Variants in PHLPP2 observed in about 807,000 individuals in gnomAD.
The protein encoded by PHLPP2 is PH domain leucine-rich repeat-containing protein phosphatase 2.
A neutral mutation model predicts 124.9 loss-of-function variants in PHLPP2; 66 were observed. The observed-to-expected ratio is 0.53, with a 90% CI of 0.43 to 0.65. The LOEUF is 0.65. Ranked by LOEUF, PHLPP2 falls within the 30% of genes least tolerant of loss-of-function variation. The pLI, the probability that PHLPP2 is intolerant of heterozygous loss-of-function variation, is 0.00. For missense variants in PHLPP2, 1,685 were observed against 1,600.4 expected (o/e 1.05, Z -0.90); for synonymous variants, 681 against 624.7 (o/e 1.09, Z -1.34).
At chr16:71,673,951 G>T (rs779991987) in intron 9 of PHLPP2, among the ~76,000 whole-genome samples, 1 of 152,016 alleles carries the variant, frequency 6.6e-6, no homozygotes, top group South Asian at 2.1e-4. Context: ...GCAAACAGAA[G>T]TCCTCAACTT....
chr16:71,681,882 G>A lies in PHLPP2; in HGVS notation c.759C>T (p.Thr253=), dbSNP rs1465869297. The A allele has an allele frequency of 1.2e-5, 20 of 1,612,606 alleles. No individual in the cohort carries two copies. The highest frequency in any genetic ancestry group is 4.0e-5 in the African/African-American group (3 of 74,790). Residue 253 remains threonine (T), a synonymous_variant, in exon 6 of 19, where the codon ACC becomes ACT. Transcript: ENST00000568954. The part of the protein sequence containing the change: ...ASKVVSQRIS[T]VDLSCYSLEE... ...CGAGGCTGTAACACGAGAGATCCAC[G>A]GTACTGATTCGCTGGGACACCACCT...
chr16:71,648,677 C>A lies in PHLPP2; in HGVS notation c.*213G>T. 1.9e-6 allele frequency: 1 copy of A among 533,774 alleles called. No homozygotes were observed. The highest frequency in any genetic ancestry group is 3.3e-6 in the Non-Finnish European group (1 of 302,288). 33.1% of individuals were successfully genotyped at this position (533,774 alleles called of 1,614,324 possible). A position where few individuals can be genotyped will look rare whatever the true frequency, so the allele number is the denominator to read the frequency against. Reference sequence around the variant, plus strand: ...ATCCCAGCTACTCGGGAGGCTGAGACAGGAGAATGGCTTGAACCCAGGGAC... The same window carrying A: ...ATCCCAGCTACTCGGGAGGCTGAGAAAGGAGAATGGCTTGAACCCAGGGAC... On this transcript the variant is annotated 3_prime_UTR_variant, in exon 19 of 19. Coordinates refer to ENST00000568954, the MANE Select transcript of PHLPP2 (RefSeq NM_015020.3).
rs770262743 is a variant in PHLPP2 at position 71,678,781 on chromosome 16, C to T, written c.1242G>A (p.Met414Ile). Reference protein sequence around the residue: ...EVLNLGVLNRMNHIKHVDLRM... With the variant: ...EVLNLGVLNRINHIKHVDLRM... ...TTAAATCCACATGCTTGATATGGTT[C>T]ATCCTATTCAGCACCCCTAAGTTCA... The change falls in exon 8 of 19, where the codon ATG (methionine) becomes ATA (isoleucine). Residue 414 changes from methionine to isoleucine, a missense_variant. By Grantham distance (10) the Met-to-Ile change is conservative. Coordinates refer to ENST00000568954, the MANE Select transcript of PHLPP2 (RefSeq NM_015020.3). The T allele has an allele frequency of 6.3e-7, 1 of 1,599,814 alleles. No homozygotes were observed.
In PHLPP2 at chr16:71,648,162, T is replaced by C. The variant is rs1810642448; in HGVS notation, c.*728A>G. The C allele has an allele frequency of 6.5e-6, 1 of 152,676 alleles. No homozygotes were observed. The highest frequency in any genetic ancestry group is 2.4e-5 in the African/African-American group (1 of 41,456). 9.5% of individuals were successfully genotyped at this position (152,676 alleles called of 1,614,324 possible). On this transcript the variant is annotated 3_prime_UTR_variant, in exon 19 of 19. Coordinates refer to ENST00000568954, the MANE Select transcript of PHLPP2 (RefSeq NM_015020.3). The stretch of plus-strand genomic sequence containing the variant: ...ACCCCATTAGTCTGAGATAAGGTGA[T>C]TTCTCTGTCACAGAGATCCATCAGC...
intron 1 of PHLPP2, among the ~76,000 whole-genome samples, chr16:71,717,575 T>C (rs1263397166): frequency 1.3e-5 from 2 of 152,236 alleles, no homozygotes; most frequent in Non-Finnish European, 2.9e-5. Flanking sequence ...GGGACCATCG[T>C]ATTTGTACTA....
chr16:71,651,107 A>T (rs2044692741), intron 18 of PHLPP2, among the ~76,000 whole-genome samples: 1 of 152,224 alleles, frequency 6.6e-6, no homozygotes, highest in Non-Finnish European at 1.5e-5. Flanking sequence ...TGGGAGGCCG[A>T]GGTGGACGGA....
In PHLPP2 at chr16:71,664,114, A is replaced by G. The variant is rs1232800624; in HGVS notation, c.1785-15T>C. 6.4e-7 allele frequency: 1 copy of G among 1,559,838 alleles called. No individual in the cohort carries two copies. The highest frequency in any genetic ancestry group is 8.8e-7 in the Non-Finnish European group (1 of 1,130,502). On this transcript the variant is annotated splice_polypyrimidine_tract_variant and intron_variant, in intron 12 of 18. Coordinates refer to ENST00000568954, the MANE Select transcript of PHLPP2 (RefSeq NM_015020.3). ...AGTATCTGAGACTGACAGAACACAC[A>G]CAGATCATCACCTCCTTTAAGTTTA...
At chr16:71,723,769 C>T in intron 1 of PHLPP2, 1 of 1,330,674 alleles carries the variant, frequency 7.5e-7, no homozygotes, top group Non-Finnish European at 9.8e-7. Flanking sequence ...GCCTCCTCAC[C>T]TTCAGGACCC....
intron 8 of PHLPP2, 164 bp downstream of exon 8, chr16:71,678,591 G>C (rs1486665935): frequency 3.4e-6 from 2 of 594,598 alleles, no homozygotes; most frequent in Admixed American, 6.0e-5. Context: ...AGTGGGCCGA[G>C]ATCGTGCCAC....
In PHLPP2 at chr16:71,671,841, G is replaced by A. The variant is rs570391177; in HGVS notation, c.1532+421C>T. On this transcript the variant is annotated intron_variant, in intron 10 of 18. Transcript: ENST00000568954. ...AGGCAGGAGAATGACGTGAACCCGGGAGGCAGAGCTTGCAGCGAGCCGAGA... is the reference window on the plus strand; with the variant it reads ...AGGCAGGAGAATGACGTGAACCCGGAAGGCAGAGCTTGCAGCGAGCCGAGA... Among the ~76,000 whole-genome samples the A allele has an allele frequency of 1.1e-4, 16 of 151,894 alleles. No individual in the cohort carries two copies. In the South Asian group the frequency reaches 2.5e-3, roughly 24 times the overall value.
At chr16:71,654,375 G>A (rs1447085752) in intron 17 of PHLPP2, among the ~76,000 whole-genome samples, 8 of 152,114 alleles carry the variant, frequency 5.3e-5, no homozygotes, top group Non-Finnish European at 1.2e-4. Flanking sequence ...AACTTATGAT[G>A]GTTCAACTTA....
chr16:71,720,484 A>G (rs1597022207), intron 1 of PHLPP2, among the ~76,000 whole-genome samples: 1 of 152,180 alleles, frequency 6.6e-6, no homozygotes, highest in Non-Finnish European at 1.5e-5. Flanking sequence ...GTGATATACT[A>G]TTACACACTC....
chr16:71,672,215 C>A (rs1355866813), intron 10 of PHLPP2, 47 bp downstream of exon 10: 1 of 1,406,418 alleles, frequency 7.1e-7, no homozygotes, highest in South Asian at 1.2e-5. Flanking sequence ...CCACATGTAT[C>A]TCTTAAATAG....
chr16:71,689,654 TC>T (rs1019337841), intron 4 of PHLPP2, among the ~76,000 whole-genome samples: 5 of 151,826 alleles, frequency 3.3e-5, no homozygotes, highest in African/African-American at 1.2e-4. Context: ...CACCTAGGCC[TC>T]CCAAAGTGCT....
intron 11 of PHLPP2, among the ~76,000 whole-genome samples, chr16:71,668,977 C>T (rs1198072195): frequency 6.6e-6 from 1 of 152,154 alleles, no homozygotes; most frequent in Non-Finnish European, 1.5e-5. Context: ...AATAGCTCAT[C>T]CTATAAAAAT....
intron 5 of PHLPP2, 24 bp from the exon 6 acceptor site, chr16:71,681,929 C>T (rs754570191): frequency 6.4e-7 from 1 of 1,567,180 alleles, no homozygotes; most frequent in Non-Finnish European, 8.7e-7. Flanking sequence ...AAGAGAAGAG[C>T]CTTCTGAGCT....
At chr16:71,654,632 C>T (rs1227208662) in intron 17 of PHLPP2, among the ~76,000 whole-genome samples, 2 of 152,178 alleles carry the variant, frequency 1.3e-5, no homozygotes, top group Non-Finnish European at 2.9e-5. Flanking sequence ...GCGTTCTGAG[C>T]ACACTTAACG....
intron 1 of PHLPP2, among the ~76,000 whole-genome samples, chr16:71,718,737 C>T (rs2045379579): frequency 6.6e-6 from 1 of 152,106 alleles, no homozygotes; most frequent in Non-Finnish European, 1.5e-5. Flanking sequence ...AAAACAACAA[C>T]AACAAAATAT....
At position 71,702,623 on chromosome 16, in the gene PHLPP2, G is replaced by A. The variant is rs371089864; in HGVS notation, c.393C>T (p.Leu131=). The A allele has an allele frequency of 6.8e-6, 11 of 1,610,572 alleles. No homozygotes were observed. Among genetic ancestry groups the A allele is most frequent in the African/African-American group, 6.7e-5 (5 of 74,792 alleles). The change falls in exon 3 of 19, where the codon CTC becomes CTT. Residue 131 remains leucine (L), a synonymous_variant. Transcript: ENST00000568954. ...CACCATAAAATCGAATCATACAGCC[G>A]AGGTCAGGATTTGTAGCCTCCTCCT... is the stretch of plus-strand genomic sequence containing the variant. ...RIQEEATNPD[L]GCMIRFYGEK...
Sources: allele counts gnomAD v4.1 joint callset (sites outside exome capture counted in the v4.1 genomes callset), GRCh38; gene constraint gnomAD v4.1.1; transcripts MANE v1.5; gene names NCBI Gene and HGNC (gene_info 2026-07-23, HGNC 2026-07-21).